Variants in HMBOX1 observed in about 807,000 individuals in gnomAD.
HMBOX1 encodes homeobox-containing protein 1.
Under a neutral mutation model 54.5 loss-of-function variants are expected in HMBOX1, and 14 were observed. The observed-to-expected ratio is 0.26, with a 90% CI of 0.17 to 0.40. The LOEUF (loss-of-function observed/expected upper bound fraction) is 0.40, where lower values mean the gene tolerates loss of function less well. HMBOX1 is among the 10% of genes least tolerant of loss of function. The pLI is 1.00. For missense variants in HMBOX1, 332 were observed against 514.4 expected (o/e 0.65, Z 3.43); for synonymous variants, 160 against 181.0 (o/e 0.88, Z 0.93).
At chr8:28,997,482 T>A (rs112250568) in intron 4 of HMBOX1, among the ~76,000 whole-genome samples, 110 of 152,296 alleles carry the variant, frequency 7.2e-4, no homozygotes, top group South Asian at 6.8e-3. Context: ...TATTTATATA[T>A]GTTGTTGGAT....
chr8:29,049,012 C>T lies in HMBOX1; in HGVS notation c.1089C>T (p.Asn363=). The change falls in exon 9 of 10, where the codon AAC becomes AAT. Residue 363 remains asparagine, a synonymous_variant. Transcript: ENST00000287701. ...IDVQSPGGHS[N]SDDVDGNDYS... ...TGCAGAGTCCAGGAGGCCACTCAAA[C>T]AGTGATGATGTCGACGGGAATGACT... is the stretch of plus-strand genomic sequence containing the variant. 2 of 1,614,050 alleles carry T rather than the reference C, an allele frequency of 1.2e-6. No individual in the cohort carries two copies. The highest frequency in any genetic ancestry group is 1.7e-6 in the Non-Finnish European group (2 of 1,180,002).
chr8:28,974,429 T>C (rs1374120070), intron 3 of HMBOX1, among the ~76,000 whole-genome samples: 1 of 152,210 alleles, frequency 6.6e-6, no homozygotes, highest in Non-Finnish European at 1.5e-5. Flanking sequence ...GTGTTTCATG[T>C]ACATATTATG....
intron 3 of HMBOX1, among the ~76,000 whole-genome samples, chr8:28,973,719 C>G (rs1342285028): frequency 1.3e-5 from 2 of 150,760 alleles, no homozygotes; most frequent in African/African-American, 2.4e-5. Flanking sequence ...TTCCTCAACT[C>G]ATACACAAGA....
chr8:29,013,450 A>C (rs755259879), intron 5 of HMBOX1, among the ~76,000 whole-genome samples: 6 of 151,568 alleles, frequency 4.0e-5, no homozygotes, highest in Non-Finnish European at 8.8e-5. Flanking sequence ...CTTTTTTTCA[A>C]CCTCTTCAGT....
At chr8:29,009,814 A>G in intron 5 of HMBOX1, 1 of 1,237,388 alleles carries the variant, frequency 8.1e-7, no homozygotes. Context: ...TATTCAAGAT[A>G]CTAACAGGTG....
At chr8:28,939,577 G>A (rs562290385) in intron 1 of HMBOX1, among the ~76,000 whole-genome samples, 1 of 151,816 alleles carries the variant, frequency 6.6e-6, no homozygotes, top group South Asian at 2.1e-4. Flanking sequence ...GTGCCATCTC[G>A]GCTCACTGCA....
At chr8:28,898,611 C>T (rs1377940492) in intron 1 of HMBOX1, among the ~76,000 whole-genome samples, 1 of 152,180 alleles carries the variant, frequency 6.6e-6, no homozygotes, top group Non-Finnish European at 1.5e-5. Context: ...CTCAGCATCT[C>T]CTTCCATGTC....
At chr8:29,003,555 A>AATATATATAT (rs71222586) in intron 4 of HMBOX1, among the ~76,000 whole-genome samples, 2,278 of 71,248 alleles carry the variant, frequency 0.032, 180 homozygotes, top group South Asian at 0.07. Flanking sequence ...TTCTGTATTA[A>AATATATATAT]ATATATATAT....
At chr8:28,940,102 G>C (rs1246274822) in intron 1 of HMBOX1, among the ~76,000 whole-genome samples, 1 of 151,958 alleles carries the variant, frequency 6.6e-6, no homozygotes, top group African/African-American at 2.4e-5. Flanking sequence ...TCCATCTCCT[G>C]GGTTCAAGCA....
intron 1 of HMBOX1, among the ~76,000 whole-genome samples, chr8:28,897,185 A>G (rs907770629): frequency 1.8e-4 from 27 of 151,698 alleles, no homozygotes; most frequent in Non-Finnish European, 8.8e-5. Flanking sequence ...GGGTTTCTCC[A>G]TGTTGGTCAT....
intron 6 of HMBOX1, among the ~76,000 whole-genome samples, chr8:29,031,990 G>A (rs1803048461): frequency 6.6e-6 from 1 of 152,204 alleles, no homozygotes; most frequent in Non-Finnish European, 1.5e-5. Flanking sequence ...CATGTGCAAA[G>A]GCACAGAGGC....
chr8:29,051,201 C>T lies in HMBOX1; in HGVS notation c.*46C>T, dbSNP rs942884054. ...AAGTTAACTTAGTTTAGACGTAGCA[C>T]CTTAGCAGACTTTCCTCGGTCCTTA... is the stretch of plus-strand genomic sequence containing the variant. On this transcript the variant is annotated 3_prime_UTR_variant, in exon 10 of 10. Coordinates refer to ENST00000287701, the MANE Select transcript of HMBOX1 (RefSeq NM_001135726.3). 3.1e-6 allele frequency: 5 copies of T among 1,598,418 alleles called. No homozygotes were observed. In the Admixed American group the frequency reaches 8.6e-5, roughly 27 times the overall value.
chr8:28,897,886 G>A (rs1039069185), intron 1 of HMBOX1, among the ~76,000 whole-genome samples: 1 of 152,056 alleles, frequency 6.6e-6, no homozygotes, highest in African/African-American at 2.4e-5. Flanking sequence ...CTTGTTGCAA[G>A]GGAACTAGCT....
chr8:28,912,543 C>T (rs993627785), intron 1 of HMBOX1, among the ~76,000 whole-genome samples: 4 of 152,270 alleles, frequency 2.6e-5, no homozygotes, highest in East Asian at 1.9e-4. Context: ...TTCACAATTT[C>T]GCTAAAATTC....
intron 6 of HMBOX1, among the ~76,000 whole-genome samples, chr8:29,044,499 G>A (rs778391207): frequency 2.0e-5 from 3 of 152,052 alleles, no homozygotes; most frequent in Non-Finnish European, 2.9e-5. Context: ...TTTAAAAAGT[G>A]CAAAAGTAAT....
intron 3 of HMBOX1, among the ~76,000 whole-genome samples, chr8:28,972,389 T>A (rs890273767): frequency 6.6e-6 from 1 of 152,112 alleles, no homozygotes; most frequent in Non-Finnish European, 1.5e-5. Context: ...ATTTTTTTTT[T>A]AAAGTTAAAA....
intron 4 of HMBOX1, among the ~76,000 whole-genome samples, chr8:28,994,030 G>A (rs1166892165): frequency 6.6e-6 from 1 of 151,992 alleles, no homozygotes; most frequent in African/African-American, 2.4e-5. Context: ...AGCCGGATGT[G>A]GTGGTGCATG....
chr8:29,048,222 T>G (rs1366867550), intron 8 of HMBOX1, among the ~76,000 whole-genome samples: 1 of 152,170 alleles, frequency 6.6e-6, no homozygotes, highest in East Asian at 1.9e-4. Flanking sequence ...TAAAGAGCAT[T>G]TAAGAAATAT....
At chr8:28,893,792 A>C (rs899765873) in intron 1 of HMBOX1, among the ~76,000 whole-genome samples, 9 of 152,176 alleles carry the variant, frequency 5.9e-5, no homozygotes, top group African/African-American at 2.2e-4. Flanking sequence ...TACATTGGGA[A>C]TATTTAGGCT....
Sources: gnomAD v4.1 joint callset for allele counts (sites outside exome capture counted in the v4.1 genomes callset) on GRCh38, gnomAD v4.1.1 for gene constraint, MANE v1.5 for transcripts, NCBI Gene and HGNC (gene_info 2026-07-23, HGNC 2026-07-21) for gene names.